Variants in CISD2 observed in about 807,000 individuals in gnomAD.
CISD2 encodes the protein CDGSH iron-sulfur domain-containing protein 2.
A neutral mutation model predicts 12.9 loss-of-function variants in CISD2; 1 was observed. The observed-to-expected ratio is 0.08, with a 90% confidence interval of 0.03 to 0.37. The LOEUF is 0.37. Among genes scored for constraint, CISD2 ranks in the 10% least tolerant of loss-of-function variants. CISD2 has a pLI of 0.99. For synonymous variants in CISD2, 50 were observed against 60.6 expected (o/e 0.83, Z 0.81); for missense variants, 97 against 163.1 (o/e 0.59, Z 2.21).
chr4:102,881,329 G>A (rs1328913558), intron 1 of CISD2, among the ~76,000 whole-genome samples: 1 of 152,146 alleles, frequency 6.6e-6, no homozygotes, highest in East Asian at 1.9e-4. Flanking sequence ...GGGCACTATA[G>A]TACGGTTATA....
At chr4:102,886,556 A>G (rs7695638) in intron 2 of CISD2, among the ~76,000 whole-genome samples, 2,796 of 152,258 alleles carry the variant, frequency 0.018, 79 homozygotes, top group African/African-American at 0.061. Context: ...ACTGTTAATT[A>G]TTATTATGTG....
At chr4:102,869,374 T>G (rs1323578359) in intron 1 of CISD2, 187 bp downstream of exon 1, 2 of 772,300 alleles carry the variant, frequency 2.6e-6, no homozygotes, top group Non-Finnish European at 4.5e-6. Flanking sequence ...AGTCTCCGGG[T>G]GCTTGATGCC....
chr4:102,876,609 G>C (rs1733599080), intron 1 of CISD2, among the ~76,000 whole-genome samples: 1 of 152,128 alleles, frequency 6.6e-6, no homozygotes, highest in Non-Finnish European at 1.5e-5. Flanking sequence ...AATTAGCTGG[G>C]TTTGGTGATG....
chr4:102,870,194 G>A (rs1408442255), intron 1 of CISD2, among the ~76,000 whole-genome samples: 1 of 152,156 alleles, frequency 6.6e-6, no homozygotes, highest in East Asian at 1.9e-4. Context: ...TACAGCAATC[G>A]CACAGCTGTC....
intron 1 of CISD2, chr4:102,874,383 A>G (rs1030326627): frequency 6.6e-6 from 1 of 152,172 alleles, no homozygotes; most frequent in Non-Finnish European, 1.5e-5. Flanking sequence ...TATCCTCACT[A>G]CCTAGGTGGG....
At chr4:102,879,808 C>T (rs1733673441) in intron 1 of CISD2, among the ~76,000 whole-genome samples, 1 of 152,048 alleles carries the variant, frequency 6.6e-6, no homozygotes, top group African/African-American at 2.4e-5. Context: ...GCTCAATAAA[C>T]TGAACTGTAA....
rs1291624987 is a variant in CISD2 at position 102,888,432 on chromosome 4, C to G, written c.*1002C>G. On this transcript the variant is annotated 3_prime_UTR_variant, in exon 3 of 3. Coordinates refer to ENST00000273986, the MANE Select transcript of CISD2 (RefSeq NM_001008388.5). ...ACACATGAGTTTCACATCCCATGCACAAATGCTGATCTGTGTGACCTCACC... is the reference window on the plus strand; with the variant it reads ...ACACATGAGTTTCACATCCCATGCAGAAATGCTGATCTGTGTGACCTCACC... The G allele has an allele frequency of 6.6e-6, 1 of 152,146 alleles. No homozygotes were observed. The highest frequency in any genetic ancestry group is 2.4e-5 in the African/African-American group (1 of 41,430). The allele number at this position is 152,146 out of a possible 1,614,324, so 9.4% of individuals were successfully genotyped here.
intron 1 of CISD2, 86 bp downstream of exon 1, chr4:102,869,273 G>T: frequency 2.0e-6 from 3 of 1,513,936 alleles, no homozygotes; most frequent in Non-Finnish European, 2.7e-6. Context: ...GCCAAGGGGC[G>T]GGACGGAGCT....
Position 102,885,450 on chromosome 4 carries a change from G to A in CISD2, c.318+20G>A, listed in dbSNP as rs139460212. On this transcript the variant is annotated intron_variant, in intron 2 of 2. Transcript: ENST00000273986. Reference sequence around the variant, plus strand: ...AAAACGGTAAGATGTCTGTTTACGTGTACACTAAAATTTTGCAGTGCTAGG... The same window carrying A: ...AAAACGGTAAGATGTCTGTTTACGTATACACTAAAATTTTGCAGTGCTAGG... 521 of 1,600,944 alleles carry A rather than the reference G, an allele frequency of 3.3e-4. 4 individuals are homozygous for A. In the East Asian group the frequency reaches 0.011, roughly 33 times the overall value.
Position 102,885,181 on chromosome 4 carries a change from GAGCACTGCAGATTCTGA to G in CISD2, c.104-34_104-18del. ...CATGCTATTTTGAATTCTTTTCCAA[GAGCACTGCAGATTCTGA>G]CACATCTACATGTTTAGTTTCAGAA... On this transcript the variant is annotated intron_variant, in intron 1 of 2. Transcript: ENST00000273986. The G allele has an allele frequency of 6.6e-7, 1 of 1,515,410 alleles. No homozygotes were observed. Among genetic ancestry groups the G allele is most frequent in the Non-Finnish European group, 9.2e-7 (1 of 1,090,270 alleles). The allele number at this position is 1,515,410 out of a possible 1,614,324, so 93.9% of individuals were successfully genotyped here. A position where few individuals can be genotyped will look rare whatever the true frequency, so the allele number is the denominator to read the frequency against.
chr4:102,887,926 A>T lies in CISD2; in HGVS notation c.*496A>T, dbSNP rs1734018554. ...CACAGAGATAGACTCTTTGCTTTATAGAGATTGTTGTGTATTTAATATGAA... is the reference window on the plus strand; with the variant it reads ...CACAGAGATAGACTCTTTGCTTTATTGAGATTGTTGTGTATTTAATATGAA... On this transcript the variant is annotated 3_prime_UTR_variant, in exon 3 of 3. Coordinates refer to ENST00000273986, the MANE Select transcript of CISD2 (RefSeq NM_001008388.5). The T allele has an allele frequency of 1.3e-5, 2 of 156,646 alleles. 1 individual carries two copies. The highest frequency in any genetic ancestry group is 3.8e-4 in the South Asian group (2 of 5,256). The allele number at this position is 156,646 out of a possible 1,614,324, so 9.7% of individuals were successfully genotyped here. A position where few individuals can be genotyped will look rare whatever the true frequency, so the allele number is the denominator to read the frequency against.
intron 1 of CISD2, 122 bp from the exon 2 acceptor site, chr4:102,885,094 G>T: frequency 1.3e-6 from 1 of 787,214 alleles, no homozygotes; most frequent in East Asian, 2.6e-5. Context: ...CAGTTTTATG[G>T]ATCCATTAAA....
rs201461508 is a variant in CISD2, at chr4:102,869,192, T to A, written c.103+5T>A. The A allele has an allele frequency of 6.3e-7, 1 of 1,598,854 alleles. No homozygotes were observed. The highest frequency in any genetic ancestry group is 1.1e-5 in the South Asian group (1 of 87,944). On this transcript the variant is annotated splice_donor_5th_base_variant and intron_variant, in intron 1 of 2. Transcript: ENST00000273986. Reference sequence around the variant, plus strand: ...CCGGGTTCGCTAGGCTCACAGGTAATCCTCCCCCATCAGCCAGTCCCCATC... The same window carrying A: ...CCGGGTTCGCTAGGCTCACAGGTAAACCTCCCCCATCAGCCAGTCCCCATC...
rs1022728115 is a variant in CISD2, at chr4:102,890,861, T to C, written c.*3431T>C. ...ATCTTAAAAAAAAAAAAAGTCTTTT[T>C]TTTTTTTCATCTAATCAAATTTATT... On this transcript the variant is annotated 3_prime_UTR_variant, in exon 3 of 3. Coordinates refer to ENST00000273986, the MANE Select transcript of CISD2 (RefSeq NM_001008388.5). 1 of 92,780 alleles carries C rather than the reference T, an allele frequency of 1.1e-5. No homozygotes were observed. Among genetic ancestry groups the C allele is most frequent in the Non-Finnish European group, 2.1e-5 (1 of 47,404 alleles). The allele number at this position is 92,780 out of a possible 1,614,324, so 5.7% of individuals were successfully genotyped here.
At chr4:102,869,516 G>GCGTA in intron 1 of CISD2, 1 of 702,542 alleles carries the variant, frequency 1.4e-6, no homozygotes, top group South Asian at 1.5e-5. Context: ...GCTCTCTGTA[G>GCGTA]CGTACTTGTT....
intron 2 of CISD2, among the ~76,000 whole-genome samples, chr4:102,885,668 A>G (rs1733871442): frequency 6.6e-6 from 1 of 152,242 alleles, no homozygotes; most frequent in South Asian, 2.1e-4. Context: ...GCATTTATGT[A>G]GAGTAACATG....
intron 1 of CISD2, 74 bp downstream of exon 1, chr4:102,869,261 G>C (rs1733349669): frequency 4.6e-6 from 7 of 1,534,254 alleles, no homozygotes; most frequent in Non-Finnish European, 6.2e-6. Flanking sequence ...AAAAATCCTA[G>C]GGCCAAGGGG....
intron 1 of CISD2, among the ~76,000 whole-genome samples, chr4:102,882,071 A>G (rs1254741982): frequency 6.6e-6 from 1 of 152,144 alleles, no homozygotes; most frequent in Admixed American, 6.5e-5. Context: ...GTGCTCCTGC[A>G]GTTTTAGTTA....
intron 1 of CISD2, among the ~76,000 whole-genome samples, chr4:102,880,099 T>C (rs1039739491): frequency 2.6e-5 from 4 of 151,806 alleles, no homozygotes; most frequent in African/African-American, 9.7e-5. Flanking sequence ...TGTGCCACCA[T>C]GCCCAGCTAA....
Sources: allele counts gnomAD v4.1 joint callset (sites outside exome capture counted in the v4.1 genomes callset), GRCh38; gene constraint gnomAD v4.1.1; transcripts MANE v1.5; gene names NCBI Gene and HGNC (gene_info 2026-07-23, HGNC 2026-07-21).